DLG2: variants seen among roughly 807,000 people sequenced by gnomAD.
The protein encoded by DLG2 is discs large MAGUK scaffold protein 2.
A neutral mutation model predicts 132.5 loss-of-function variants in DLG2; 45 were observed. That is an observed-to-expected ratio of 0.34 (90% CI 0.27 to 0.44). The LOEUF (loss-of-function observed/expected upper bound fraction) is 0.44, where lower values mean the gene tolerates loss of function less well. Among genes scored for constraint, DLG2 ranks in the 20% least tolerant of loss-of-function variants. The probability of loss-of-function intolerance (pLI) is 1.00; values close to 1 mark genes in which losing one functional copy is unlikely to be tolerated. For synonymous variants in DLG2, 424 were observed against 419.6 expected, an observed-to-expected ratio of 1.01 and a Z score of -0.13; for missense variants, 1,045 against 1,196.9, an observed-to-expected ratio of 0.87 and a Z score of 1.87.
intron 4 of DLG2, among the ~76,000 whole-genome samples, chr11:85,268,997 T>C (rs528142763): frequency 1.3e-5 from 2 of 152,346 alleles, no homozygotes; most frequent in South Asian, 2.1e-4. Flanking sequence ...ATAATAGAAA[T>C]AGTAAGCTCT....
At chr11:84,027,850 G>A (rs2095581045) in intron 11 of DLG2, among the ~76,000 whole-genome samples, 1 of 151,828 alleles carries the variant, frequency 6.6e-6, no homozygotes, top group Non-Finnish European at 1.5e-5. Context: ...AAATAATGTA[G>A]GTCTATTTAA....
At chr11:83,627,098 A>G (rs1716396932) in intron 19 of DLG2, among the ~76,000 whole-genome samples, 1 of 152,158 alleles carries the variant, frequency 6.6e-6, no homozygotes, top group South Asian at 2.1e-4. Context: ...AATGATGAAT[A>G]TTACCAACAT....
intron 7 of DLG2, among the ~76,000 whole-genome samples, chr11:84,465,970 A>G (rs1016458367): frequency 9.9e-5 from 15 of 151,320 alleles, no homozygotes; most frequent in Non-Finnish European, 1.6e-4. Flanking sequence ...AATTAAAATA[A>G]TTTGATGTTG....
chr11:84,134,081 G>A (rs2094515626), intron 9 of DLG2, among the ~76,000 whole-genome samples: 1 of 152,022 alleles, frequency 6.6e-6, no homozygotes, highest in Non-Finnish European at 1.5e-5. Flanking sequence ...TACTCGGTTA[G>A]ATGCTGGGAA....
At chr11:83,528,547 CCT>C (rs10569403) in intron 21 of DLG2, among the ~76,000 whole-genome samples, 66,022 of 151,790 alleles carry the variant, frequency 0.43, 14,529 homozygotes, top group Middle Eastern at 0.55. Context: ...TCAAATATTG[CCT>C]CTTTGAAGCC....
At chr11:85,600,516 C>A (rs1409119967) in intron 2 of DLG2, among the ~76,000 whole-genome samples, 5 of 152,170 alleles carry the variant, frequency 3.3e-5, no homozygotes. Flanking sequence ...GTATAGCAAC[C>A]AGTCTACAAA....
At chr11:85,443,592 T>C (rs2091884223) in intron 3 of DLG2, among the ~76,000 whole-genome samples, 1 of 152,218 alleles carries the variant, frequency 6.6e-6, no homozygotes, top group African/African-American at 2.4e-5. Flanking sequence ...TCTCAACACC[T>C]CTGTTTCTTC....
chr11:85,348,296 C>T (rs796695366), intron 3 of DLG2, among the ~76,000 whole-genome samples: 8 of 151,748 alleles, frequency 5.3e-5, no homozygotes, highest in African/African-American at 1.7e-4. Context: ...GATCTCAGCT[C>T]ACTGCAACTT....
intron 3 of DLG2, chr11:85,286,109 A>G: frequency 2.2e-6 from 1 of 453,602 alleles, no homozygotes; most frequent in South Asian, 1.6e-5. Flanking sequence ...AGTAACTTTG[A>G]AAATGAACAG....
At chr11:85,334,234 A>G (rs1387644619) in intron 3 of DLG2, among the ~76,000 whole-genome samples, 1 of 151,998 alleles carries the variant, frequency 6.6e-6, no homozygotes, top group African/African-American at 2.4e-5. Flanking sequence ...TATTCATAAT[A>G]GTTTCTGAGG....
intron 19 of DLG2, among the ~76,000 whole-genome samples, chr11:83,544,236 C>A (rs916507502): frequency 6.6e-6 from 1 of 152,148 alleles, no homozygotes; most frequent in African/African-American, 2.4e-5. Flanking sequence ...AGTTTCATAT[C>A]TTTTTGTGGT....
intron 10 of DLG2, among the ~76,000 whole-genome samples, chr11:84,069,793 C>T (rs2096729962): frequency 6.6e-6 from 1 of 152,178 alleles, no homozygotes; most frequent in Non-Finnish European, 1.5e-5. Flanking sequence ...CCTGGAAAAG[C>T]AGAGGCCAGT....
chr11:84,829,088 C>A (rs759145358), intron 6 of DLG2, among the ~76,000 whole-genome samples: 1 of 151,560 alleles, frequency 6.6e-6, no homozygotes, highest in Non-Finnish European at 1.5e-5. Context: ...TTTATATAAG[C>A]CTGAGTAAAA....
intron 3 of DLG2, among the ~76,000 whole-genome samples, chr11:85,331,971 G>T (rs1250976551): frequency 1.3e-5 from 2 of 152,048 alleles, no homozygotes; most frequent in Non-Finnish European, 2.9e-5. Context: ...TATTCCTTTG[G>T]GGTATATACC....
rs555429626 is a variant in DLG2 at position 84,383,571 on chromosome 11, A to G, written c.520-132280T>C. Reference sequence around the variant, plus strand: ...CTCTCATGTTGGCCTTAAAGAAGCAACAGCCATGTTGTGAACTGCCTATGG... The same window carrying G: ...CTCTCATGTTGGCCTTAAAGAAGCAGCAGCCATGTTGTGAACTGCCTATGG... On this transcript the variant is annotated intron_variant, in intron 7 of 27. Transcript: ENST00000376104. Among the ~76,000 whole-genome samples, 6 of 152,258 alleles carry G rather than the reference A, an allele frequency of 3.9e-5. No individual in the cohort carries two copies. The East Asian group carries it at 9.7e-4, about 25-fold the overall frequency.
intron 6 of DLG2, among the ~76,000 whole-genome samples, chr11:84,834,883 G>C (rs1290276662): frequency 6.6e-6 from 1 of 151,032 alleles, no homozygotes; most frequent in African/African-American, 2.4e-5. Context: ...TGGAATACTG[G>C]TGTCTTTCAG....
chr11:84,800,858 A>C (rs2075282138), intron 6 of DLG2, among the ~76,000 whole-genome samples: 1 of 152,204 alleles, frequency 6.6e-6, no homozygotes, highest in Non-Finnish European at 1.5e-5. Context: ...TTACAAGTTT[A>C]ATGACATGTT....
At chr11:84,384,829 AAGGTGGCAG>A (rs2098762745) in intron 7 of DLG2, among the ~76,000 whole-genome samples, 1 of 152,078 alleles carries the variant, frequency 6.6e-6, no homozygotes, top group Non-Finnish European at 1.5e-5. Context: ...CAGAAGCCAC[AAGGTGGCAG>A]AGTGTTGGTA....
intron 22 of DLG2, among the ~76,000 whole-genome samples, chr11:83,477,741 G>GTT (rs1254085841): frequency 1.5e-5 from 2 of 131,026 alleles, no homozygotes; most frequent in Admixed American, 7.4e-5. Context: ...TGAAAAGAGG[G>GTT]GTTTTTTTTT....
Sources: gnomAD v4.1 joint callset for allele counts (sites outside exome capture counted in the v4.1 genomes callset) on GRCh38, gnomAD v4.1.1 for gene constraint, MANE v1.5 for transcripts, NCBI Gene and HGNC (gene_info 2026-07-23, HGNC 2026-07-21) for gene names.